TEX11: variants seen among roughly 807,000 people sequenced by gnomAD.
TEX11 encodes the protein testis-expressed protein 11.
In TEX11, 7 loss-of-function variants were observed where a neutral mutation model predicts 84.4. That is an observed-to-expected ratio of 0.08 (90% CI 0.05 to 0.16). The LOEUF (loss-of-function observed/expected upper bound fraction) is 0.16, where lower values mean the gene tolerates loss of function less well. Ranked by LOEUF, TEX11 falls within the 10% of genes least tolerant of loss-of-function variation. The probability of loss-of-function intolerance (pLI) is 1.00; values close to 1 mark genes in which losing one functional copy is unlikely to be tolerated. For missense variants in TEX11, 551 were observed against 660.5 expected (o/e 0.83, Z 1.82); for synonymous variants, 264 against 222.8 (o/e 1.18, Z -1.64).
intron 9 of TEX11, among the ~76,000 whole-genome samples, chrX:70,791,370 C>T (rs753476347): frequency 3.6e-5 from 4 of 112,012 alleles, no homozygotes; most frequent in South Asian, 3.7e-4. Flanking sequence ...AAAACAAGTA[C>T]TTCTAGACCT....
chrX:70,764,093 C>G (rs1185709447), intron 9 of TEX11, among the ~76,000 whole-genome samples: 3 of 112,075 alleles, frequency 2.7e-5, no homozygotes, highest in African/African-American at 9.7e-5. Context: ...GGTCACAAAA[C>G]AAGTTGTAAA....
At chrX:70,819,944 C>A (rs1441351838) in intron 8 of TEX11, among the ~76,000 whole-genome samples, 4 of 111,302 alleles carry the variant, frequency 3.6e-5, no homozygotes, top group Admixed American at 9.6e-5. Flanking sequence ...GGAAATACAT[C>A]CCACATTCAC....
intron 20 of TEX11, among the ~76,000 whole-genome samples, chrX:70,613,321 ACCAATGCCACCCCTTC>A (rs1279231601): frequency 2.7e-5 from 3 of 111,747 alleles, no homozygotes; most frequent in Admixed American, 9.5e-5. Flanking sequence ...GTCTTTAATC[ACCAATGCCACCCCTTC>A]CCTATCCCCC....
At chrX:70,783,361 G>A (rs745414347) in intron 9 of TEX11, among the ~76,000 whole-genome samples, 194 of 109,625 alleles carry the variant, frequency 1.8e-3, no homozygotes, top group African/African-American at 6.4e-3. Context: ...ACCACTAAAC[G>A]CCCACAAGAG....
intron 25 of TEX11, among the ~76,000 whole-genome samples, chrX:70,577,481 A>T (rs780915609): frequency 6.3e-5 from 7 of 111,627 alleles, no homozygotes; most frequent in Non-Finnish European, 1.1e-4. Context: ...TCAGAGACAA[A>T]GAAGGTAAAA....
chrX:70,717,379 C>T (rs1028573918), intron 13 of TEX11, among the ~76,000 whole-genome samples: 53 of 106,962 alleles, frequency 5.0e-4, no homozygotes, highest in African/African-American at 1.6e-3. Context: ...AGTGCAATGG[C>T]GCGATCTTGG....
chrX:70,521,853 A>G, the TEX11 span, among the ~76,000 whole-genome samples: 1 of 110,859 alleles, frequency 9.0e-6, no homozygotes, highest in South Asian at 3.9e-4. Context: ...TCTGATACAT[A>G]TGACTTAAAA....
intron 9 of TEX11, among the ~76,000 whole-genome samples, chrX:70,800,492 T>G (rs1339585564): frequency 9.0e-6 from 1 of 111,575 alleles, no homozygotes; most frequent in African/African-American, 3.2e-5. Flanking sequence ...TTTCTAAATG[T>G]TTTTTCTCCA....
rs368318751 is a variant in TEX11 at position 70,804,368 on chromosome X, T to C, written c.692+2337A>G. On this transcript the variant is annotated intron_variant, in intron 9 of 29. Transcript: ENST00000374333. ...GTCTACTGTTAGAAAAACTATTCAC[T>C]GTGCTACAATTCCTACAGTTAATAA... 2.7e-5 allele frequency among the ~76,000 whole-genome samples: 3 copies of C among 112,458 alleles called. No individual in the cohort carries two copies. The East Asian group carries it at 8.3e-4, about 31-fold the overall frequency.
chrX:70,613,675 T>C (rs924633891), intron 20 of TEX11, among the ~76,000 whole-genome samples: 2 of 111,561 alleles, frequency 1.8e-5, no homozygotes, highest in African/African-American at 6.5e-5. Context: ...ACCAATGGAC[T>C]TGGGGGCACG....
intron 25 of TEX11, among the ~76,000 whole-genome samples, chrX:70,571,266 G>A (rs771846112): frequency 9.6e-4 from 107 of 111,979 alleles, no homozygotes; most frequent in Non-Finnish European, 9.2e-4. Flanking sequence ...TGATCTGCCC[G>A]CCTTGGCCTC....
chrX:70,769,243 A>T (rs1602112155), intron 9 of TEX11, among the ~76,000 whole-genome samples: 1 of 111,664 alleles, frequency 9.0e-6, no homozygotes, highest in Non-Finnish European at 1.9e-5. Context: ...AATGAAATTG[A>T]TCACTAAAAA....
intron 20 of TEX11, among the ~76,000 whole-genome samples, chrX:70,616,463 CAAA>C (rs2089318689): frequency 9.0e-6 from 1 of 111,021 alleles, no homozygotes; most frequent in Admixed American, 9.6e-5. Context: ...CACAAAAAAA[CAAA>C]GAAGTTAAAT....
At chrX:70,519,432 A>C in the TEX11 span, among the ~76,000 whole-genome samples, 1 of 112,261 alleles carries the variant, frequency 8.9e-6, no homozygotes, top group Non-Finnish European at 1.9e-5. Context: ...AGAATGTTGA[A>C]TATTGGCCCC....
At chrX:70,762,988 C>T (rs777770955) in intron 9 of TEX11, among the ~76,000 whole-genome samples, 1 of 111,896 alleles carries the variant, frequency 8.9e-6, no homozygotes, top group South Asian at 3.7e-4. Context: ...GAGCCAAGAT[C>T]GTACCACTGC....
chrX:70,602,360 A>C (rs142962706), intron 24 of TEX11, among the ~76,000 whole-genome samples: 44,850 of 106,448 alleles, frequency 0.42, 8,215 homozygotes, highest in East Asian at 0.61. Context: ...ACCATGATCA[A>C]GTGGGCTTCA....
rs185086293 is a variant in TEX11 at position 70,634,428 on chromosome X, T to C, written c.1484-4693A>G. Among the ~76,000 whole-genome samples, 174 of 111,899 alleles carry C rather than the reference T, an allele frequency of 1.6e-3. 2 individuals carry two copies. The highest frequency in any genetic ancestry group is 2.1e-3 in the Non-Finnish European group (113 of 53,145). On this transcript the variant is annotated intron_variant, in intron 17 of 29. Transcript: ENST00000374333. ...AAAACAATTAGAAAGAGAACAAAGT[T>C]GGGGTTCAAATTTATTACATAGCTA... is the stretch of plus-strand genomic sequence containing the variant.
chrX:70,888,848 A>G (rs1244284892), intron 2 of TEX11, among the ~76,000 whole-genome samples: 2 of 111,463 alleles, frequency 1.8e-5, no homozygotes, highest in African/African-American at 6.5e-5. Flanking sequence ...AAAAGAAACA[A>G]ATCACATGAA....
intron 16 of TEX11, among the ~76,000 whole-genome samples, chrX:70,661,287 C>G (rs941039793): frequency 2.7e-5 from 3 of 112,392 alleles, no homozygotes; most frequent in Non-Finnish European, 5.6e-5. Flanking sequence ...GCTAGCACAG[C>G]AGTCTGAGAT....
Sources: gnomAD v4.1 joint callset for allele counts (sites outside exome capture counted in the v4.1 genomes callset) on GRCh38, gnomAD v4.1.1 for gene constraint, MANE v1.5 for transcripts, NCBI Gene and HGNC (gene_info 2026-07-23, HGNC 2026-07-21) for gene names.